Variants in SLC25A36 observed in about 807,000 individuals in gnomAD.
The protein encoded by SLC25A36 is solute carrier family 25 member 36.
In SLC25A36, 24 loss-of-function variants were observed where a neutral mutation model predicts 35.3. The observed-to-expected ratio is 0.68, with a 90% confidence interval of 0.49 to 0.96. The LOEUF is 0.96. Ranked by LOEUF, SLC25A36 falls within the 40% of genes least tolerant of loss-of-function variation. SLC25A36 has a pLI of 0.00. For synonymous variants in SLC25A36, 141 were observed against 132.2 expected, an observed-to-expected ratio of 1.07 and a Z score of -0.46; for missense variants, 294 against 381.1, an observed-to-expected ratio of 0.77 and a Z score of 1.90.
At chr3:140,955,177 A>C (rs1308359397) in intron 1 of SLC25A36, among the ~76,000 whole-genome samples, 1 of 151,914 alleles carries the variant, frequency 6.6e-6, no homozygotes, top group East Asian at 1.9e-4. Flanking sequence ...ACATATTTTT[A>C]TCTTTTAAAA....
intron 2 of SLC25A36, among the ~76,000 whole-genome samples, chr3:140,959,002 G>T (rs1182311858): frequency 3.1e-5 from 4 of 127,906 alleles, no homozygotes; most frequent in African/African-American, 6.5e-5. Flanking sequence ...GTGTGTGTGT[G>T]TGTGTGTTTT....
At chr3:140,943,576 T>C (rs1934080677) in intron 1 of SLC25A36, among the ~76,000 whole-genome samples, 1 of 152,218 alleles carries the variant, frequency 6.6e-6, no homozygotes, top group Non-Finnish European at 1.5e-5. Context: ...TTGAGCTCCC[T>C]CTTGTAATTA....
chr3:140,959,690 G>GA, intron 3 of SLC25A36, 150 bp downstream of exon 3: 1 of 436,554 alleles, frequency 2.3e-6, no homozygotes, highest in Non-Finnish European at 4.1e-6. Context: ...TTCTTTTTAA[G>GA]AATTTCAGAT....
intron 4 of SLC25A36, chr3:140,967,092 G>T: frequency 2.2e-6 from 1 of 453,324 alleles, no homozygotes; most frequent in Non-Finnish European, 4.5e-6. Context: ...CCCACCCTGG[G>T]ATTTTATGAT....
At chr3:140,972,522 G>A (rs1475104416) in intron 5 of SLC25A36, among the ~76,000 whole-genome samples, 1 of 151,890 alleles carries the variant, frequency 6.6e-6, no homozygotes, top group Non-Finnish European at 1.5e-5. Context: ...TATAATCCTA[G>A]CTACCTGGGA....
intron 3 of SLC25A36, among the ~76,000 whole-genome samples, chr3:140,961,985 C>T (rs1016881839): frequency 1.4e-5 from 2 of 148,098 alleles, no homozygotes; most frequent in African/African-American, 2.5e-5. Flanking sequence ...GGATTTTTCA[C>T]TGTTTTAATA....
At chr3:140,968,534 T>G in intron 4 of SLC25A36, 1 of 958,800 alleles carries the variant, frequency 1.0e-6, no homozygotes, top group Non-Finnish European at 1.2e-6. Flanking sequence ...GAGAAATACC[T>G]GTTGTTTGCT....
chr3:140,952,477 A>G (rs1934354319), intron 1 of SLC25A36, among the ~76,000 whole-genome samples: 1 of 152,170 alleles, frequency 6.6e-6, no homozygotes, highest in African/African-American at 2.4e-5. Flanking sequence ...TACTTGCTGA[A>G]GTGTTTTTTA....
rs1935083564 is a variant in SLC25A36, at chr3:140,977,684, T to C, written c.*1231T>C. ...GAGTCAGCTGTACCTTTTAATACTT[T>C]AAATGTGTTATTTGTATGGCCCTTA... On this transcript the variant is annotated 3_prime_UTR_variant, in exon 7 of 7. Transcript: ENST00000324194. 2 of 152,240 alleles carry C rather than the reference T, an allele frequency of 1.3e-5. No homozygotes were observed. The highest frequency in any genetic ancestry group is 2.4e-5 in the African/African-American group (1 of 41,466). 9.4% of individuals were successfully genotyped at this position (152,240 alleles called of 1,614,324 possible).
At chr3:140,950,597 A>G (rs370904655) in intron 1 of SLC25A36, among the ~76,000 whole-genome samples, 1 of 152,100 alleles carries the variant, frequency 6.6e-6, no homozygotes, top group African/African-American at 2.4e-5. Context: ...TACAGTAGGC[A>G]ATTTCTTGAA....
chr3:140,947,192 A>G (rs1208700860), intron 1 of SLC25A36, among the ~76,000 whole-genome samples: 1 of 152,224 alleles, frequency 6.6e-6, no homozygotes, highest in Non-Finnish European at 1.5e-5. Context: ...TTAATTGAGG[A>G]ACTTTGGTGA....
rs909676356 is a variant in SLC25A36, at chr3:140,979,044, G to A, written c.*2591G>A. The A allele has an allele frequency of 1.3e-5, 2 of 152,058 alleles. No homozygotes were observed. Among genetic ancestry groups the A allele is most frequent in the Non-Finnish European group, 2.9e-5 (2 of 67,986 alleles). 9.4% of individuals were successfully genotyped at this position (152,058 alleles called of 1,614,324 possible). On this transcript the variant is annotated 3_prime_UTR_variant, in exon 7 of 7. Transcript: ENST00000324194. ...CAAAGTTCAAATCTGAAGAATTAGC[G>A]TTTGTGATTTCGGGATACCATGCAG...
chr3:140,971,199 T>G (rs1244195381), intron 5 of SLC25A36, among the ~76,000 whole-genome samples: 1 of 152,082 alleles, frequency 6.6e-6, no homozygotes, highest in Non-Finnish European at 1.5e-5. Flanking sequence ...TATGTGTTGT[T>G]TTGTTTTGTT....
At chr3:140,964,611 G>A (rs1021177798) in intron 4 of SLC25A36, 3 of 151,844 alleles carry the variant, frequency 2.0e-5, no homozygotes, top group Admixed American at 2.0e-4. Flanking sequence ...GGTGGCCAGT[G>A]ACAAACCTTA....
chr3:140,966,537 T>G (rs1934765107), intron 4 of SLC25A36: 2 of 176,424 alleles, frequency 1.1e-5, no homozygotes, highest in African/African-American at 2.4e-5. Context: ...TTTTTAAGAT[T>G]TATTAAGTAG....
rs1463816475 is a variant in SLC25A36 at position 140,979,418 on chromosome 3, T to A, written c.*2965T>A. The A allele has an allele frequency of 6.6e-6, 1 of 152,230 alleles. No individual in the cohort carries two copies. The highest frequency in any genetic ancestry group is 1.5e-5 in the Non-Finnish European group (1 of 68,018). 9.4% of individuals were successfully genotyped at this position (152,230 alleles called of 1,614,324 possible). ...TTGTCCATGCCTGCCTTTTGTTGTTTACATGCTCTTCTGCCCAGACTGTTA... is the reference window on the plus strand; with the variant it reads ...TTGTCCATGCCTGCCTTTTGTTGTTAACATGCTCTTCTGCCCAGACTGTTA... On this transcript the variant is annotated 3_prime_UTR_variant, in exon 7 of 7. Coordinates refer to ENST00000324194, the MANE Select transcript of SLC25A36 (RefSeq NM_001104647.3).
chr3:140,944,760 C>T (rs1934118180), intron 1 of SLC25A36, among the ~76,000 whole-genome samples: 1 of 152,064 alleles, frequency 6.6e-6, no homozygotes, highest in Admixed American at 6.5e-5. Flanking sequence ...CAAAGATGAT[C>T]TAAGAACTGT....
chr3:140,974,453 C>G (rs1455042075), intron 6 of SLC25A36, among the ~76,000 whole-genome samples: 1 of 152,044 alleles, frequency 6.6e-6, no homozygotes, highest in Non-Finnish European at 1.5e-5. Context: ...ATAACTTGCC[C>G]AAGGTCACAT....
intron 4 of SLC25A36, 32 bp downstream of exon 4, chr3:140,963,259 A>AAAAAAAAT: frequency 7.6e-7 from 1 of 1,308,708 alleles, no homozygotes; most frequent in Non-Finnish European, 1.0e-6. Context: ...AAAAAAAAAA[A>AAAAAAAAT]CTTTCTGAAA....
Sources: gnomAD v4.1 joint callset for allele counts (sites outside exome capture counted in the v4.1 genomes callset) on GRCh38, gnomAD v4.1.1 for gene constraint, MANE v1.5 for transcripts, NCBI Gene and HGNC (gene_info 2026-07-23, HGNC 2026-07-21) for gene names.